The following DMD variants were observed in gnomAD, a reference collection of about 807,000 sequenced individuals.
DMD encodes mutant dystrophin.
Under a neutral mutation model 330.1 loss-of-function variants are expected in DMD, and 63 were observed. The observed-to-expected ratio is 0.19, with a 90% CI of 0.16 to 0.24. The LOEUF (loss-of-function observed/expected upper bound fraction) is 0.24. Ranked by LOEUF, DMD falls within the 10% of genes least tolerant of loss-of-function variation. The probability of loss-of-function intolerance (pLI) is 1.00; values close to 1 mark genes in which losing one functional copy is unlikely to be tolerated. For synonymous variants in DMD, 1,223 were observed against 959.8 expected (o/e 1.27, Z -5.07); for missense variants, 3,344 against 2,684.1 (o/e 1.25, Z -5.43).
intron 43 of DMD, among the ~76,000 whole-genome samples, chrX:32,262,198 A>G (rs2097326198): frequency 8.9e-6 from 1 of 112,122 alleles, no homozygotes; most frequent in African/African-American, 3.2e-5. Flanking sequence ...CACGGAGATC[A>G]TATTATTCAC....
intron 19 of DMD, among the ~76,000 whole-genome samples, chrX:32,492,293 G>A (rs757679657): frequency 6.2e-5 from 7 of 112,328 alleles, no homozygotes; most frequent in South Asian, 7.4e-4. Context: ...AGCGGAGATC[G>A]CGCCACTGCA....
intron 59 of DMD, among the ~76,000 whole-genome samples, chrX:31,445,285 G>A (rs2065197953): frequency 9.0e-6 from 1 of 111,466 alleles, no homozygotes; most frequent in Non-Finnish European, 1.9e-5. Flanking sequence ...TTTTATACAT[G>A]AGAAAACAAA....
intron 44 of DMD, among the ~76,000 whole-genome samples, chrX:32,065,353 T>C (rs1361879792): frequency 9.0e-6 from 1 of 111,249 alleles, no homozygotes; most frequent in Non-Finnish European, 1.9e-5. Context: ...ATTATTACAC[T>C]CCGTATTTCT....
intron 55 of DMD, among the ~76,000 whole-genome samples, chrX:31,566,730 C>A (rs1055230305): frequency 4.5e-5 from 5 of 111,817 alleles, no homozygotes; most frequent in Non-Finnish European, 9.5e-5. Flanking sequence ...AGTCTATAAA[C>A]ATGCCATATA....
chrX:32,867,436 T>C (rs2082604092), intron 2 of DMD, among the ~76,000 whole-genome samples: 1 of 112,263 alleles, frequency 8.9e-6, no homozygotes, highest in Non-Finnish European at 1.9e-5. Flanking sequence ...AATTTTTTTC[T>C]TACAAAGCTC....
chrX:32,317,708 A>G (rs777178714), intron 41 of DMD, among the ~76,000 whole-genome samples: 2 of 111,513 alleles, frequency 1.8e-5, no homozygotes, highest in African/African-American at 6.5e-5. Context: ...ATGACATATG[A>G]TTATGACATA....
At chrX:31,139,909 C>T (rs1489949826) in intron 76 of DMD, among the ~76,000 whole-genome samples, 1 of 112,029 alleles carries the variant, frequency 8.9e-6, no homozygotes, top group Non-Finnish European at 1.9e-5. Flanking sequence ...TTTGGTCTTC[C>T]TGGCTTGTCT....
At chrX:31,269,182 T>C (rs2051420188) in intron 62 of DMD, among the ~76,000 whole-genome samples, 2 of 111,700 alleles carry the variant, frequency 1.8e-5, no homozygotes, top group South Asian at 3.8e-4. Flanking sequence ...ACTGTTTTGT[T>C]GTTCAATTGC....
intron 52 of DMD, among the ~76,000 whole-genome samples, chrX:31,682,000 G>C (rs1473893246): frequency 8.9e-6 from 1 of 111,874 alleles, no homozygotes; most frequent in Non-Finnish European, 1.9e-5. Flanking sequence ...AGAATCACTT[G>C]AACCCGGGAG....
rs747112736 is a variant in DMD at position 31,204,159 on chromosome X, A to G, written c.9650-41T>C. 2.8e-5 allele frequency: 32 copies of G among 1,154,688 alleles called. No homozygotes were observed. In the South Asian group the frequency reaches 5.7e-4, roughly 21 times the overall value. On this transcript the variant is annotated intron_variant, in intron 66 of 78. Coordinates refer to ENST00000357033, the MANE Select transcript of DMD (RefSeq NM_004006.3). The stretch of plus-strand genomic sequence containing the variant: ...AAAATTGCAACAGTCAAAACACAGC[A>G]CCCATGGATGCCAGCAGAACCTGAC...
chrX:31,798,004 T>C (rs1395247299), intron 50 of DMD, among the ~76,000 whole-genome samples: 1 of 112,195 alleles, frequency 8.9e-6, no homozygotes, highest in Non-Finnish European at 1.9e-5. Context: ...TTTTTTGTTC[T>C]CAAACAATAT....
chrX:31,246,754 C>T (rs568731884), intron 63 of DMD, among the ~76,000 whole-genome samples: 21 of 110,972 alleles, frequency 1.9e-4, no homozygotes, highest in East Asian at 8.5e-4. Flanking sequence ...GGTGAAACCC[C>T]GTCTCCACTA....
chrX:31,691,124 A>C (rs1291916209), intron 52 of DMD, among the ~76,000 whole-genome samples: 4 of 111,615 alleles, frequency 3.6e-5, no homozygotes, highest in African/African-American at 1.3e-4. Flanking sequence ...TAATTAAAAA[A>C]AAAAGTAAGT....
intron 2 of DMD, among the ~76,000 whole-genome samples, chrX:32,863,271 C>T (rs771113779): frequency 9.1e-6 from 1 of 109,734 alleles, no homozygotes; most frequent in Admixed American, 9.7e-5. Flanking sequence ...AACCCCAGTA[C>T]TTTGGGAGGC....
intron 25 of DMD, among the ~76,000 whole-genome samples, chrX:32,459,840 G>C (rs1426390870): frequency 9.0e-6 from 1 of 111,129 alleles, no homozygotes; most frequent in Admixed American, 9.6e-5. Context: ...GTAGATGTAA[G>C]TGTGAAAGTC....
chrX:32,096,156 A>G (rs1209939005), intron 44 of DMD, among the ~76,000 whole-genome samples: 1 of 111,837 alleles, frequency 8.9e-6, no homozygotes, highest in Non-Finnish European at 1.9e-5. Context: ...ATACATTTCC[A>G]TTAAATATTT....
intron 8 of DMD, among the ~76,000 whole-genome samples, chrX:32,698,493 G>A (rs991237839): frequency 1.8e-5 from 2 of 111,726 alleles, no homozygotes; most frequent in African/African-American, 3.3e-5. Context: ...ACTGTTGTTT[G>A]TGCCTGAGAA....
Position 32,597,556 on chromosome X carries a change from A to G in DMD, c.1483-1680T>C, listed in dbSNP as rs138211488. 7.4e-3 allele frequency among the ~76,000 whole-genome samples: 826 copies of G among 111,996 alleles called. 3 individuals carry two copies. The highest frequency in any genetic ancestry group is 0.013 in the Non-Finnish European group (677 of 53,187). Reference sequence around the variant, plus strand: ...AACAGAAAATAACCACTTGGTCTCAACTGAACCCTAGGATAAAACCAGAAT... The same window carrying G: ...AACAGAAAATAACCACTTGGTCTCAGCTGAACCCTAGGATAAAACCAGAAT... On this transcript the variant is annotated intron_variant, in intron 12 of 78. Coordinates refer to ENST00000357033, the MANE Select transcript of DMD (RefSeq NM_004006.3).
rs763162216 is a variant in DMD, at chrX:33,080,974, T to TCACACACACACACACA, written c.32-60790_32-60775dup. Among the ~76,000 whole-genome samples, 214 of 92,707 alleles carry TCACACACACACACACA rather than the reference T, an allele frequency of 2.3e-3. No individual in the cohort carries two copies. The Middle Eastern group carries it at 0.027, about 12-fold the overall frequency. The allele number at this position is 92,707 out of a possible 115,157, so 80.5% of individuals were successfully genotyped here. A position where few individuals can be genotyped will look rare whatever the true frequency, so the allele number is the denominator to read the frequency against. Reference sequence around the variant, plus strand: ...ATTAATCAGAGCTCTTTTATAAACATCACACACACACACACACACACACAC... The same window carrying TCACACACACACACACA: ...ATTAATCAGAGCTCTTTTATAAACATCACACACACACACACACACACACACACACACACACACACAC... On this transcript the variant is annotated intron_variant, in intron 1 of 78. Transcript: ENST00000357033.
Sources: allele counts gnomAD v4.1 joint callset (sites outside exome capture counted in the v4.1 genomes callset), GRCh38; gene constraint gnomAD v4.1.1; transcripts MANE v1.5; gene names NCBI Gene and HGNC (gene_info 2026-07-23, HGNC 2026-07-21).